STX5: variants seen among roughly 807,000 people sequenced by gnomAD.
STX5 encodes syntaxin-5.
Under a neutral mutation model 42.9 loss-of-function variants are expected in STX5, and 15 were observed. The ratio of observed to expected loss-of-function variants is 0.35; its 90% CI spans 0.23 to 0.54. The LOEUF (loss-of-function observed/expected upper bound fraction) is 0.54. Among genes scored for constraint, STX5 ranks in the 20% least tolerant of loss-of-function variants. The probability of loss-of-function intolerance (pLI) is 0.91; values close to 1 mark genes in which losing one functional copy is unlikely to be tolerated. For missense variants in STX5, 430 were observed against 455.0 expected (o/e 0.95, Z 0.50); for synonymous variants, 184 against 173.2 (o/e 1.06, Z -0.49).
intron 1 of STX5, 131 bp from the exon 2 acceptor site, chr11:62,831,393 A>G (rs2084861221): frequency 4.1e-6 from 3 of 730,756 alleles, no homozygotes; most frequent in Admixed American, 4.1e-5. Flanking sequence ...ACGCTCGCAA[A>G]TCCTGGGGCG....
At chr11:62,811,111 T>G (rs2084612285) in intron 10 of STX5, among the ~76,000 whole-genome samples, 1 of 152,068 alleles carries the variant, frequency 6.6e-6, no homozygotes, top group Admixed American at 6.6e-5. Flanking sequence ...CTGGCCAGAT[T>G]CTTCCCTTCT....
chr11:62,816,295 T>C (rs1189544661), intron 10 of STX5, among the ~76,000 whole-genome samples: 1 of 152,144 alleles, frequency 6.6e-6, no homozygotes, highest in African/African-American at 2.4e-5. Context: ...TTTAAAAAAT[T>C]TTTTAGAGAT....
At chr11:62,825,150 G>C in intron 7 of STX5, 33 bp from the exon 8 acceptor site, 1 of 1,612,386 alleles carries the variant, frequency 6.2e-7, no homozygotes, top group Non-Finnish European at 8.5e-7. Flanking sequence ...AGGACCTGAA[G>C]CCACTAGAAA....
At chr11:62,815,880 T>G (rs1460101218) in intron 10 of STX5, 1 of 152,098 alleles carries the variant, frequency 6.6e-6, no homozygotes. Flanking sequence ...TATTCTAGTT[T>G]CAGGGGTACA....
rs2084784534 is a variant in STX5 at position 62,825,452 on chromosome 11, G to A, written c.511C>T (p.His171Tyr). The change falls in exon 6 of 11, where the codon CAC becomes TAC. Residue 171 changes from histidine to tyrosine, a missense_variant. Physicochemically the swap from His to Tyr is moderately conservative, Grantham distance 83. Transcript: ENST00000294179. The stretch of plus-strand genomic sequence containing the variant: ...AAGGAGACCACAATGGTGTTGGAGT[G>A]GGTCTGCAGGTGCCGGCCACTCTGG... ...GSQSGRHLQTHSNTIVVSLQS... is the reference protein window; with the variant it reads ...GSQSGRHLQTYSNTIVVSLQS... 6.2e-7 allele frequency: 1 copy of A among 1,614,128 alleles called. No homozygotes were observed. The highest frequency in any genetic ancestry group is 8.5e-7 in the Non-Finnish European group (1 of 1,180,038).
At chr11:62,829,143 G>A (rs914068979) in intron 2 of STX5, among the ~76,000 whole-genome samples, 18 of 152,178 alleles carry the variant, frequency 1.2e-4, no homozygotes, top group Admixed American at 3.9e-4. Context: ...AAACACTCCC[G>A]GCTGGGTACG....
Position 62,831,161 on chromosome 11 carries a change from G to A in STX5, c.83C>T (p.Pro28Leu), listed in dbSNP as rs1220403272. The A allele has an allele frequency of 2.6e-6, 4 of 1,562,204 alleles. No individual in the cohort carries two copies. Among genetic ancestry groups the A allele is most frequent in the East Asian group, 2.3e-5 (1 of 42,964 alleles). Residue 28 changes from proline (P) to leucine (L), a missense_variant, in exon 2 of 11, where the codon CCT (proline) becomes CTT (leucine). Coordinates refer to ENST00000294179, the MANE Select transcript of STX5 (RefSeq NM_003164.5). ...LGLSKTQVLS[P>L]ATAGSSSSDI... Reference sequence around the variant, plus strand: ...GCTGCTGCTACTGCCAGCAGTTGCAGGGGACAGGACCTGTGTCTTTGAGAG... The same window carrying A: ...GCTGCTGCTACTGCCAGCAGTTGCAAGGGACAGGACCTGTGTCTTTGAGAG...
At chr11:62,830,825 A>T (rs574223247) in intron 2 of STX5, among the ~76,000 whole-genome samples, 194 bp downstream of exon 2, 3 of 152,134 alleles carry the variant, frequency 2.0e-5, no homozygotes, top group African/African-American at 7.2e-5. Flanking sequence ...TCACAAAAAA[A>T]AGTCTAAGTC....
intron 10 of STX5, among the ~76,000 whole-genome samples, chr11:62,810,103 C>CTAAA (rs2084600276): frequency 1.0e-5 from 1 of 97,614 alleles, no homozygotes. Context: ...GACTCCATCT[C>CTAAA]AAAAAAAAAA....
intron 10 of STX5, among the ~76,000 whole-genome samples, chr11:62,808,289 G>A (rs2084575056): frequency 6.6e-6 from 1 of 152,070 alleles, no homozygotes; most frequent in South Asian, 2.1e-4. Context: ...AGCTGGGTGT[G>A]CTGGTGTGAC....
intron 8 of STX5, 28 bp from the exon 9 acceptor site, chr11:62,824,593 C>T (rs1448887727): frequency 5.0e-6 from 8 of 1,606,986 alleles, no homozygotes; most frequent in Non-Finnish European, 6.8e-6. Flanking sequence ...ATGTGGCACA[C>T]CTTAACAGTT....
intron 3 of STX5, 23 bp from the exon 4 acceptor site, chr11:62,827,421 C>A: frequency 6.2e-7 from 1 of 1,614,206 alleles, no homozygotes; most frequent in Non-Finnish European, 8.5e-7. Flanking sequence ...ACTAGTCAGA[C>A]TGTGGGAAAG....
At chr11:62,831,856 C>CGCCCCTGATTCCCTT in intron 1 of STX5, 98 bp downstream of exon 1, 1 of 455,034 alleles carries the variant, frequency 2.2e-6, no homozygotes, top group Non-Finnish European at 4.4e-6. Context: ...CTTGCCCGCT[C>CGCCCCTGATTCCCTT]GCCCCTGATT....
intron 5 of STX5, 44 bp downstream of exon 5, chr11:62,827,111 G>T: frequency 1.9e-6 from 3 of 1,571,556 alleles, no homozygotes; most frequent in African/African-American, 2.7e-5. Flanking sequence ...AGACAGAAGT[G>T]ATCTGATTGG....
At chr11:62,830,989 C>A (rs2084851297) in intron 2 of STX5, 30 bp downstream of exon 2, 1 of 1,530,188 alleles carries the variant, frequency 6.5e-7, no homozygotes, top group African/African-American at 1.4e-5. Flanking sequence ...GTAAGGCTCA[C>A]TCCTCGCCTT....
At chr11:62,814,832 G>A (rs975693875) in intron 10 of STX5, among the ~76,000 whole-genome samples, 3 of 152,016 alleles carry the variant, frequency 2.0e-5, no homozygotes, top group African/African-American at 4.8e-5. Context: ...GACCTCAGGT[G>A]ATCCGCCTGC....
Position 62,832,001 on chromosome 11 carries a change from G to A in STX5, c.-67C>T. On this transcript the variant is annotated 5_prime_UTR_variant, in exon 1 of 11. The change creates a new upstream start codon in the 5' untranslated region. Transcript: ENST00000294179. ...GCCGCCACTTCCAATCTCACCGGCC[G>A]TCACTGCCTCCTCCCCGAGCACTGA... 1 of 468,390 alleles carries A rather than the reference G, an allele frequency of 2.1e-6. No homozygotes were observed. Among genetic ancestry groups the A allele is most frequent in the South Asian group, 1.5e-5 (1 of 64,686 alleles). 29.0% of individuals were successfully genotyped at this position (468,390 alleles called of 1,614,324 possible).
At chr11:62,809,543 G>T (rs1434602807) in intron 10 of STX5, among the ~76,000 whole-genome samples, 1 of 150,522 alleles carries the variant, frequency 6.6e-6, no homozygotes, top group Admixed American at 6.6e-5. Context: ...GCGTGGTGGC[G>T]GGCGCCTGTA....
intron 10 of STX5, among the ~76,000 whole-genome samples, chr11:62,819,122 G>A (rs2084708856): frequency 6.8e-6 from 1 of 146,752 alleles, no homozygotes; most frequent in South Asian, 2.2e-4. Context: ...TCAGGAGGCT[G>A]AGGCAGGAGA....
Sources: gnomAD v4.1 joint callset for allele counts (sites outside exome capture counted in the v4.1 genomes callset) on GRCh38, gnomAD v4.1.1 for gene constraint, MANE v1.5 for transcripts, NCBI Gene and HGNC (gene_info 2026-07-23, HGNC 2026-07-21) for gene names.